Variants in SNX29 observed in about 807,000 individuals in gnomAD.
The protein encoded by SNX29 is sorting nexin 29, also known as sorting nexin-29.
Under a neutral mutation model 102.1 loss-of-function variants are expected in SNX29, and 78 were observed. The observed-to-expected ratio is 0.76, with a 90% CI of 0.64 to 0.92. SNX29 has a LOEUF of 0.92. Among genes scored for constraint, SNX29 ranks in the 40% least tolerant of loss-of-function variants. The pLI is 0.00. For missense variants in SNX29, 1,280 were observed against 1,061.7 expected, an observed-to-expected ratio of 1.21 and a Z score of -2.86; for synonymous variants, 580 against 414.5, an observed-to-expected ratio of 1.40 and a Z score of -4.85.
chr16:12,243,802 C>T (rs1294986207), intron 14 of SNX29, among the ~76,000 whole-genome samples: 1 of 152,200 alleles, frequency 6.6e-6, no homozygotes, highest in African/African-American at 2.4e-5. Flanking sequence ...CAGACAGAAG[C>T]ACCTCCTGGT....
intron 8 of SNX29, among the ~76,000 whole-genome samples, chr16:12,059,153 C>G (rs2050661513): frequency 6.6e-6 from 1 of 152,160 alleles, no homozygotes; most frequent in Non-Finnish European, 1.5e-5. Context: ...TGGGGCCTGG[C>G]TTCACCTTGT....
chr16:12,326,909 G>A (rs1029051939), intron 15 of SNX29, among the ~76,000 whole-genome samples: 8 of 152,286 alleles, frequency 5.3e-5, no homozygotes, highest in African/African-American at 1.4e-4. Flanking sequence ...GCCAAGGTCC[G>A]AGGCATTTGG....
At chr16:12,378,974 C>T (rs1427517316) in intron 16 of SNX29, among the ~76,000 whole-genome samples, 2 of 152,118 alleles carry the variant, frequency 1.3e-5, no homozygotes, top group African/African-American at 4.8e-5. Context: ...TTACTACGGC[C>T]AGAAGGACAA....
intron 18 of SNX29, among the ~76,000 whole-genome samples, chr16:12,461,978 A>AAAAAAATATATAT (rs1555544501): frequency 3.7e-5 from 1 of 27,354 alleles, no homozygotes; most frequent in African/African-American, 1.4e-4. Flanking sequence ...AAAAAAAAAA[A>AAAAAAATATATAT]ATATATATAT....
intron 1 of SNX29, among the ~76,000 whole-genome samples, chr16:11,982,747 A>G (rs140859894): frequency 2.0e-5 from 3 of 151,744 alleles, no homozygotes; most frequent in Admixed American, 1.3e-4. Context: ...TAAAGGAGAC[A>G]CTGAGATTCC....
chr16:12,052,297 AC>A, intron 8 of SNX29, 75 bp downstream of exon 8: 1 of 1,519,392 alleles, frequency 6.6e-7, no homozygotes, highest in South Asian at 1.2e-5. Flanking sequence ...GCTCACTGCA[AC>A]CTCCACCTCC....
At chr16:12,280,854 T>C (rs1211849626) in intron 15 of SNX29, among the ~76,000 whole-genome samples, 1 of 152,190 alleles carries the variant, frequency 6.6e-6, no homozygotes, top group African/African-American at 2.4e-5. Flanking sequence ...GGGGAAAAGT[T>C]GATATAGTTT....
chr16:11,988,623 C>T (rs1377900495), intron 1 of SNX29, among the ~76,000 whole-genome samples: 1 of 151,934 alleles, frequency 6.6e-6, no homozygotes, highest in East Asian at 1.9e-4. Flanking sequence ...TGGTCTCAAA[C>T]TCCTAGGCTC....
chr16:12,209,911 G>GA (rs941007646), intron 14 of SNX29, among the ~76,000 whole-genome samples: 129 of 152,346 alleles, frequency 8.5e-4, no homozygotes, highest in African/African-American at 3.0e-3. Flanking sequence ...GTGGGGCTGA[G>GA]AAGGGTAGCA....
chr16:12,107,286 T>C (rs1384565620), intron 11 of SNX29, among the ~76,000 whole-genome samples: 2 of 151,402 alleles, frequency 1.3e-5, no homozygotes, highest in African/African-American at 2.4e-5. Flanking sequence ...AGCTGGCATC[T>C]GCTCCAGGTG....
chr16:12,444,364 TTCCCACTGCA>T (rs1190560153), intron 18 of SNX29, among the ~76,000 whole-genome samples: 1 of 152,256 alleles, frequency 6.6e-6, no homozygotes, highest in East Asian at 1.9e-4. Context: ...CTGCTGTTTC[TTCCCACTGCA>T]TCCCTTATTG....
chr16:12,065,485 C>A (rs2050990292), intron 9 of SNX29, among the ~76,000 whole-genome samples: 1 of 152,132 alleles, frequency 6.6e-6, no homozygotes, highest in Non-Finnish European at 1.5e-5. Flanking sequence ...TTCTTAGGTT[C>A]CTTTGAAACC....
chr16:12,226,142 G>A (rs981392526), intron 14 of SNX29, among the ~76,000 whole-genome samples: 2 of 152,144 alleles, frequency 1.3e-5, no homozygotes, highest in African/African-American at 4.8e-5. Context: ...GGTCGTGTTC[G>A]ACATTCTGGA....
At chr16:12,404,562 C>T (rs1194779194) in intron 18 of SNX29, among the ~76,000 whole-genome samples, 2 of 152,104 alleles carry the variant, frequency 1.3e-5, no homozygotes, top group East Asian at 3.9e-4. Flanking sequence ...TTTTATTCCC[C>T]ATGAGCTCTC....
intron 19 of SNX29, among the ~76,000 whole-genome samples, chr16:12,503,312 G>C (rs558703013): frequency 1.0e-3 from 152 of 152,310 alleles, no homozygotes; most frequent in Non-Finnish European, 1.6e-3. Context: ...CATAGCTCGT[G>C]TTTATTTTTA....
rs183260123 is a variant in SNX29 at position 12,095,402 on chromosome 16, C to T, written c.1402+16487C>T. 213 of 152,298 alleles carry T rather than the reference C, an allele frequency of 1.4e-3. 1 individual carries two copies. Among genetic ancestry groups the T allele is most frequent in the African/African-American group, 5.0e-3 (207 of 41,556 alleles). 9.4% of individuals were successfully genotyped at this position (152,298 alleles called of 1,614,324 possible). The stretch of plus-strand genomic sequence containing the variant: ...AGTCTTTTCTCTGCCGCTTTCCTTC[C>T]GCAGCTGCGGGTGGTGGTTATCTGA... On this transcript the variant is annotated intron_variant, in intron 11 of 20. Coordinates refer to ENST00000566228, the MANE Select transcript of SNX29 (RefSeq NM_032167.5).
intron 15 of SNX29, among the ~76,000 whole-genome samples, chr16:12,339,307 G>A (rs1596983854): frequency 7.0e-6 from 1 of 142,702 alleles, no homozygotes; most frequent in Non-Finnish European, 1.5e-5. Flanking sequence ...GGAGGCAGAG[G>A]TTGTGGTAAC....
At chr16:12,037,085 A>G (rs999702446) in intron 4 of SNX29, among the ~76,000 whole-genome samples, 6 of 152,068 alleles carry the variant, frequency 3.9e-5, no homozygotes, top group Non-Finnish European at 7.4e-5. Context: ...CCAGGTTTCC[A>G]GGATGATGAG....
chr16:12,192,260 G>C (rs1279151263), intron 13 of SNX29, among the ~76,000 whole-genome samples: 2 of 152,192 alleles, frequency 1.3e-5, no homozygotes, highest in African/African-American at 4.8e-5. Flanking sequence ...CTGCAGGGTA[G>C]CCAGCAGGCT....
Sources: gnomAD v4.1 joint callset for allele counts (sites outside exome capture counted in the v4.1 genomes callset) on GRCh38, gnomAD v4.1.1 for gene constraint, MANE v1.5 for transcripts, NCBI Gene and HGNC (gene_info 2026-07-23, HGNC 2026-07-21) for gene names.